Variants in KCND2 observed in about 807,000 individuals in gnomAD.
KCND2 encodes the protein potassium voltage-gated channel subfamily D member 2.
In KCND2, 16 loss-of-function variants were observed where a neutral mutation model predicts 54.4. The observed-to-expected ratio is 0.29, with a 90% CI of 0.20 to 0.45. The LOEUF is 0.45. KCND2 is among the 20% of genes least tolerant of loss of function. The pLI is 1.00. For synonymous variants in KCND2, 317 were observed against 310.7 expected, an observed-to-expected ratio of 1.02 and a Z score of -0.21; for missense variants, 486 against 824.2, an observed-to-expected ratio of 0.59 and a Z score of 5.02.
At chr7:120,697,808 C>T (rs1562912788) in intron 1 of KCND2, among the ~76,000 whole-genome samples, 1 of 152,106 alleles carries the variant, frequency 6.6e-6, no homozygotes, top group Admixed American at 6.6e-5. Flanking sequence ...AAGAAATATT[C>T]TTAACATTAT....
chr7:120,396,758 C>A (rs531262611), intron 1 of KCND2, among the ~76,000 whole-genome samples: 5 of 152,028 alleles, frequency 3.3e-5, no homozygotes, highest in African/African-American at 1.2e-4. Context: ...TAGGTAAAGA[C>A]AATGGTAAAA....
intron 1 of KCND2, among the ~76,000 whole-genome samples, chr7:120,357,688 A>C (rs1285585300): frequency 1.3e-5 from 2 of 152,106 alleles, no homozygotes; most frequent in Non-Finnish European, 2.9e-5. Context: ...CTTAAACAAA[A>C]AAAAAAAATT....
intron 1 of KCND2, among the ~76,000 whole-genome samples, chr7:120,467,924 A>AT (rs967450739): frequency 3.3e-5 from 5 of 152,084 alleles, no homozygotes; most frequent in Admixed American, 1.3e-4. Flanking sequence ...CTTCTGTAGT[A>AT]TTTTTGTAAT....
chr7:120,315,409 T>C (rs1308224897), intron 1 of KCND2, among the ~76,000 whole-genome samples: 1 of 152,184 alleles, frequency 6.6e-6, no homozygotes, highest in Non-Finnish European at 1.5e-5. Flanking sequence ...GGTTAAGCCC[T>C]AAGGGTATCT....
chr7:120,447,878 C>G (rs2116210670), intron 1 of KCND2, among the ~76,000 whole-genome samples: 1 of 151,408 alleles, frequency 6.6e-6, no homozygotes, highest in East Asian at 1.9e-4. Context: ...TTCTCTTGGC[C>G]AGACATGGAA....
At chr7:120,667,535 A>G (rs144298464) in intron 1 of KCND2, among the ~76,000 whole-genome samples, 1 of 152,016 alleles carries the variant, frequency 6.6e-6, no homozygotes, top group Non-Finnish European at 1.5e-5. Flanking sequence ...AGGTCGATGC[A>G]TGTATGTCAT....
At position 120,718,121 on chromosome 7, in the gene KCND2, T is replaced by C. The variant is rs780669982; in HGVS notation, c.1116-14782T>C. Among the ~76,000 whole-genome samples the C allele has an allele frequency of 1.2e-4, 19 of 152,132 alleles. 1 individual carries two copies. Among genetic ancestry groups the C allele is most frequent in the Non-Finnish European group, 2.5e-4 (17 of 68,010 alleles). On this transcript the variant is annotated intron_variant, in intron 1 of 5. Coordinates refer to ENST00000331113, the MANE Select transcript of KCND2 (RefSeq NM_012281.3). ...GATAGGAAGGAGGCAGATGAGCTAA[T>C]AGTCAGAGATGCCTCTTTTCACTTA...
At chr7:120,580,196 A>G (rs555491824) in intron 1 of KCND2, among the ~76,000 whole-genome samples, 3 of 152,334 alleles carry the variant, frequency 2.0e-5, no homozygotes, top group African/African-American at 7.2e-5. Context: ...GGAATTTCCA[A>G]TGGGGGAAAA....
chr7:120,710,641 C>T (rs1047679517), intron 1 of KCND2, among the ~76,000 whole-genome samples: 7 of 152,024 alleles, frequency 4.6e-5, no homozygotes, highest in Non-Finnish European at 1.0e-4. Context: ...TTTACCATCA[C>T]AGTTTGGAAT....
chr7:120,728,743 A>G (rs1211080879), intron 1 of KCND2, among the ~76,000 whole-genome samples: 1 of 152,110 alleles, frequency 6.6e-6, no homozygotes, highest in African/African-American at 2.4e-5. Context: ...TTTTTGGGAA[A>G]TGATTTTTCA....
intron 1 of KCND2, among the ~76,000 whole-genome samples, chr7:120,416,831 A>G (rs1225779347): frequency 6.6e-6 from 1 of 151,410 alleles, no homozygotes; most frequent in Non-Finnish European, 1.5e-5. Flanking sequence ...GTTATACATG[A>G]TGCAGGTATT....
rs144714306 is a variant in KCND2 at position 120,750,152 on chromosome 7, T to C, written c.*2294T>C. Reference sequence around the variant, plus strand: ...GATGACTGTGTTAAGTGCATCTGTATTGTAAGTGAAATGTAATTATTTCTG... The same window carrying C: ...GATGACTGTGTTAAGTGCATCTGTACTGTAAGTGAAATGTAATTATTTCTG... On this transcript the variant is annotated 3_prime_UTR_variant, in exon 6 of 6. Transcript: ENST00000331113. The C allele has an allele frequency of 2.2e-4, 34 of 152,526 alleles. No homozygotes were observed. The highest frequency in any genetic ancestry group is 9.8e-4 in the Admixed American group (15 of 15,256). The allele number at this position is 152,526 out of a possible 1,614,324, so 9.4% of individuals were successfully genotyped here.
chr7:120,417,825 A>G (rs1801545972), intron 1 of KCND2, among the ~76,000 whole-genome samples: 1 of 152,208 alleles, frequency 6.6e-6, no homozygotes, highest in Admixed American at 6.5e-5. Context: ...TCAAGAGTTC[A>G]AAGAGAGAAA....
At chr7:120,500,443 C>T (rs909499543) in intron 1 of KCND2, among the ~76,000 whole-genome samples, 9 of 152,064 alleles carry the variant, frequency 5.9e-5, no homozygotes, top group Admixed American at 5.2e-4. Context: ...GATAATCTAA[C>T]TTGATGTTAT....
rs531950572 is a variant in KCND2 at position 120,560,412 on chromosome 7, C to T, written c.1116-172491C>T. 4.0e-4 allele frequency among the ~76,000 whole-genome samples: 61 copies of T among 152,136 alleles called. 1 individual carries two copies. Among genetic ancestry groups the T allele is most frequent in the Middle Eastern group, 3.4e-3 (1 of 294 alleles). ...AAAATCCTCCAATGAAATAATCAGA[C>T]GGAAAAGCGACAGTAAAATGTAGAA... On this transcript the variant is annotated intron_variant, in intron 1 of 5. Transcript: ENST00000331113.
intron 1 of KCND2, among the ~76,000 whole-genome samples, chr7:120,550,267 G>C (rs1257605844): frequency 1.3e-5 from 2 of 152,016 alleles, no homozygotes; most frequent in Non-Finnish European, 2.9e-5. Context: ...AGATAGCTTA[G>C]TGAGGCATGC....
intron 1 of KCND2, among the ~76,000 whole-genome samples, chr7:120,665,033 T>C (rs573687678): frequency 6.6e-6 from 1 of 152,194 alleles, no homozygotes; most frequent in East Asian, 1.9e-4. Flanking sequence ...CACGATGATG[T>C]GGTTTACTTA....
At chr7:120,627,300 T>A (rs1253873765) in intron 1 of KCND2, among the ~76,000 whole-genome samples, 1 of 152,180 alleles carries the variant, frequency 6.6e-6, no homozygotes, top group Non-Finnish European at 1.5e-5. Flanking sequence ...AATATAATTA[T>A]TTTTAAAATG....
At chr7:120,653,495 T>C (rs1249823083) in intron 1 of KCND2, among the ~76,000 whole-genome samples, 1 of 152,186 alleles carries the variant, frequency 6.6e-6, no homozygotes, top group Non-Finnish European at 1.5e-5. Context: ...CATTAGTTCA[T>C]CTGTTCCCTA....
Sources: allele counts gnomAD v4.1 joint callset (sites outside exome capture counted in the v4.1 genomes callset), GRCh38; gene constraint gnomAD v4.1.1; transcripts MANE v1.5; gene names NCBI Gene and HGNC (gene_info 2026-07-23, HGNC 2026-07-21).